Variants in CCDC166 observed in about 807,000 individuals in gnomAD.
CCDC166 encodes the protein coiled-coil domain-containing protein 166.
CCDC166 carries 17 observed loss-of-function variants against 14.4 expected under a neutral mutation model. The observed-to-expected ratio is 1.18, with a 90% CI of 0.81 to 1.77. CCDC166 has a LOEUF of 1.77. Among genes scored for constraint, CCDC166 ranks in the 40% most tolerant of loss-of-function variants. The pLI is 0.00. For missense variants in CCDC166, 738 were observed against 665.8 expected, an observed-to-expected ratio of 1.11 and a Z score of -1.19; for synonymous variants, 336 against 330.1, an observed-to-expected ratio of 1.02 and a Z score of -0.20.
rs1275276960 is a variant in CCDC166 at position 143,707,128 on chromosome 8, AC to A, written c.885del (p.Ser296HisfsTer2). 1 of 1,462,542 alleles carries A rather than the reference AC, an allele frequency of 6.8e-7. No individual in the cohort carries two copies. Among genetic ancestry groups the A allele is most frequent in the Non-Finnish European group, 9.0e-7 (1 of 1,115,720 alleles). 90.6% of individuals were successfully genotyped at this position (1,462,542 alleles called of 1,614,324 possible). ...GACGGGCTTATGGGGGCGGCTAATG[AC>A]CCGGGGCGCGAGGTGGGCTGGGAGA... ...PAFSQPTSRP[G>X]SLAAPISPSR... On this transcript the variant is annotated frameshift_variant, in exon 2 of 2. Transcript: ENST00000542437. LOFTEE classifies it low-confidence loss of function (END_TRUNC). This position sits in a 1 kb window ranked among gnomAD's most constrained non-coding sequence, Gnocchi z 8.0.
Position 143,707,880 on chromosome 8 carries a change from G to A in CCDC166, c.230C>T (p.Ala77Val). ...CTGGGCGCGCGCGCTCACGTAGCTGGCGTAGAGCCGGTTCTCCTCGCGCAG... is the reference window on the plus strand; with the variant it reads ...CTGGGCGCGCGCGCTCACGTAGCTGACGTAGAGCCGGTTCTCCTCGCGCAG... ...LRLREENRLY[A>V]SYVSARAQRC... The change falls in exon 1 of 2, where the codon GCC (alanine) becomes GTC (valine). Residue 77 changes from alanine (A) to valine (V), a missense_variant. Physicochemically the swap from Ala to Val is moderately conservative, Grantham distance 64 (BLOSUM62 0). Coordinates refer to ENST00000542437, the MANE Select transcript of CCDC166 (RefSeq NM_001162914.1). The surrounding 1 kb of genome is among the most constrained non-coding windows in gnomAD (Gnocchi z 8.0). The A allele has an allele frequency of 6.5e-7, 1 of 1,538,030 alleles. No homozygotes were observed.
At position 143,707,606 on chromosome 8, in the gene CCDC166, C is replaced by T; in HGVS notation, c.445-37G>A. The T allele has an allele frequency of 7.4e-7, 1 of 1,347,034 alleles. No individual in the cohort carries two copies. The highest frequency in any genetic ancestry group is 9.5e-7 in the Non-Finnish European group (1 of 1,054,476). The allele number at this position is 1,347,034 out of a possible 1,614,324, so 83.4% of individuals were successfully genotyped here. ...GCGCCGTCAGCTCACCCCCACCCCG[C>T]CCCCGGCCCGGCCACCAGCCCCGCC... is the stretch of plus-strand genomic sequence containing the variant. On this transcript the variant is annotated intron_variant, in intron 1 of 1. Coordinates refer to ENST00000542437, the MANE Select transcript of CCDC166 (RefSeq NM_001162914.1). This position sits in a 1 kb window ranked among gnomAD's most constrained non-coding sequence, Gnocchi z 8.0.
chr8:143,707,496 G>A lies in CCDC166; in HGVS notation c.518C>T (p.Thr173Met), dbSNP rs1554616834. Residue 173 changes from threonine (T) to methionine (M), a missense_variant, in exon 2 of 2, where the codon ACG becomes ATG. By Grantham distance (81) the Thr-to-Met change is moderately conservative. Transcript: ENST00000542437. This position sits in a 1 kb window ranked among gnomAD's most constrained non-coding sequence, Gnocchi z 8.0. ...CCGCTTCACGCGGTGGAGCAGCTGC[G>A]TGTGCTCCACGCGCATATGCAGCAG... Reference protein sequence around the residue: ...RELLHMRVEHTQLLHRVKRRF... With the variant: ...RELLHMRVEHMQLLHRVKRRF... 1.4e-6 allele frequency: 2 copies of A among 1,454,314 alleles called. No homozygotes were observed. Among genetic ancestry groups the A allele is most frequent in the Non-Finnish European group, 1.8e-6 (2 of 1,112,620 alleles). 90.1% of individuals were successfully genotyped at this position (1,454,314 alleles called of 1,614,324 possible).
rs1554616999 is a variant in CCDC166 at position 143,707,962 on chromosome 8, C to T, written c.148G>A (p.Glu50Lys). 1.3e-6 allele frequency: 2 copies of T among 1,536,828 alleles called. No individual in the cohort carries two copies. The highest frequency in any genetic ancestry group is 2.0e-5 in the Admixed American group (1 of 50,984). The change falls in exon 1 of 2, where the codon GAG becomes AAG. Residue 50 changes from glutamate (E) to lysine (K), a missense_variant. Physicochemically the swap from Glu to Lys is moderately conservative, Grantham distance 56. Coordinates refer to ENST00000542437, the MANE Select transcript of CCDC166 (RefSeq NM_001162914.1). This position sits in a 1 kb window ranked among gnomAD's most constrained non-coding sequence, Gnocchi z 8.0. Reference protein sequence around the residue: ...LLSEQLDTCEESVDQVLRENA... With the variant: ...LLSEQLDTCEKSVDQVLRENA... ...TCTCGCAGCACCTGGTCAACGCTCTCCTCGCAGGTGTCCAGCTGCTCCGAG... is the reference window on the plus strand; with the variant it reads ...TCTCGCAGCACCTGGTCAACGCTCTTCTCGCAGGTGTCCAGCTGCTCCGAG...
chr8:143,707,107 G>A lies in CCDC166; in HGVS notation c.907C>T (p.Pro303Ser), dbSNP rs1587420673. 1 of 1,500,200 alleles carries A rather than the reference G, an allele frequency of 6.7e-7. No individual in the cohort carries two copies. The highest frequency in any genetic ancestry group is 1.3e-5 in the South Asian group (1 of 79,828). The allele number at this position is 1,500,200 out of a possible 1,614,324, so 92.9% of individuals were successfully genotyped here. A position where few individuals can be genotyped will look rare whatever the true frequency, so the allele number is the denominator to read the frequency against. Residue 303 changes from proline to serine, a missense_variant, in exon 2 of 2, where the codon CCG (proline) becomes TCG (serine). Pro to Ser is a moderately conservative substitution (Grantham distance 74). Transcript: ENST00000542437. The surrounding 1 kb of genome is among the most constrained non-coding windows in gnomAD (Gnocchi z 8.0). ...GGGGTCTGGGAGGCCGCGCGCGACG[G>A]GCTTATGGGGGCGGCTAATGACCCG... The part of the protein sequence containing the change: ...RPGSLAAPIS[P>S]SRAASQTPSV...
Position 143,707,718 on chromosome 8 carries a change from T to A in CCDC166, c.392A>T (p.Glu131Val). 3 of 1,522,464 alleles carry A rather than the reference T, an allele frequency of 2.0e-6. No individual in the cohort carries two copies. The highest frequency in any genetic ancestry group is 2.6e-6 in the Non-Finnish European group (3 of 1,137,318). 94.3% of individuals were successfully genotyped at this position (1,522,464 alleles called of 1,614,324 possible). Residue 131 changes from glutamate (E) to valine (V), a missense_variant, in exon 1 of 2, where the codon GAG (glutamate) becomes GTG (valine). Glu to Val is a moderately radical substitution (Grantham distance 121). Transcript: ENST00000542437. The surrounding 1 kb of genome is among the most constrained non-coding windows in gnomAD (Gnocchi z 8.0). ...CTGTGCCATCTGTGCCGCGCGCGCCTCCATCTCCAACAGCTGCGCGCGCAC... is the reference window on the plus strand; with the variant it reads ...CTGTGCCATCTGTGCCGCGCGCGCCACCATCTCCAACAGCTGCGCGCGCAC... ...DGVRAQLLEM[E>V]ARAAQMAQQV...
Position 143,707,201 on chromosome 8 carries a change from C to T in CCDC166, c.813G>A (p.Trp271Ter). The T allele has an allele frequency of 2.2e-6, 3 of 1,384,098 alleles. No individual in the cohort carries two copies. The highest frequency in any genetic ancestry group is 2.8e-6 in the Non-Finnish European group (3 of 1,078,012). 85.7% of individuals were successfully genotyped at this position (1,384,098 alleles called of 1,614,324 possible). A position where few individuals can be genotyped will look rare whatever the true frequency, so the allele number is the denominator to read the frequency against. ...GCGGGCCTCCGGGGCCCCTGCGCAG[C>T]CAGCCGTGCACACGCGCCAGGTCCC... ...DTRDLARVHGWLRRGPGGPPL... is the reference protein window; with the variant it reads ...DTRDLARVHG The change falls in exon 2 of 2, where the codon TGG (tryptophan) becomes TGA (stop). Residue 271 changes from tryptophan (W) to a stop codon, truncating the protein, a stop_gained. Coordinates refer to ENST00000542437, the MANE Select transcript of CCDC166 (RefSeq NM_001162914.1). LOFTEE classifies it low-confidence loss of function (END_TRUNC). This position sits in a 1 kb window ranked among gnomAD's most constrained non-coding sequence, Gnocchi z 8.0.
chr8:143,706,824 C>A lies in CCDC166; in HGVS notation c.1190G>T (p.Arg397Leu). ...SPRVSSQDTL[R>L]STKSGPKLLS... ...AAGCTTGGGGCCAGACTTCGTGGAG[C>A]GGAGAGTGTCCTGTGAGGACACCCT... The change falls in exon 2 of 2, where the codon CGC (arginine) becomes CTC (leucine). Residue 397 changes from arginine to leucine, a missense_variant. By Grantham distance (102) the Arg-to-Leu change is moderately radical. Transcript: ENST00000542437. 6.4e-7 allele frequency: 1 copy of A among 1,551,094 alleles called. No individual in the cohort carries two copies. The highest frequency in any genetic ancestry group is 8.7e-7 in the Non-Finnish European group (1 of 1,146,962).
rs1817570204 is a variant in CCDC166, at chr8:143,707,877, C to T, written c.233G>A (p.Ser78Asn). Residue 78 changes from serine to asparagine, a missense_variant, in exon 1 of 2, where the codon AGC becomes AAC. Physicochemically the swap from Ser to Asn is conservative, Grantham distance 46. Transcript: ENST00000542437. This position sits in a 1 kb window ranked among gnomAD's most constrained non-coding sequence, Gnocchi z 8.0. ...GCGCTGGGCGCGCGCGCTCACGTAG[C>T]TGGCGTAGAGCCGGTTCTCCTCGCG... ...RLREENRLYA[S>N]YVSARAQRCA... The T allele has an allele frequency of 2.0e-6, 3 of 1,538,080 alleles. No individual in the cohort carries two copies. Among genetic ancestry groups the T allele is most frequent in the South Asian group, 1.2e-5 (1 of 84,036 alleles).
Position 143,707,025 on chromosome 8 carries a change from T to G in CCDC166, c.989A>C (p.Glu330Ala), listed in dbSNP as rs1563740893. 4 of 1,535,648 alleles carry G rather than the reference T, an allele frequency of 2.6e-6. No homozygotes were observed. The East Asian group carries it at 9.8e-5, about 38-fold the overall frequency. ...PRASSVVPSR[E>A]ASRVPSLVLS... ...CACCAACGAGGGGACCCGGGAAGCC[T>G]CGCGCGACGGGACCACGGACGAGGC... Residue 330 changes from glutamate (E) to alanine (A), a missense_variant, in exon 2 of 2, where the codon GAG (glutamate) becomes GCG (alanine). By Grantham distance (107) the Glu-to-Ala change is moderately radical. Transcript: ENST00000542437. The surrounding 1 kb of genome is among the most constrained non-coding windows in gnomAD (Gnocchi z 8.0).
At position 143,708,001 on chromosome 8, in the gene CCDC166, C is replaced by T. The variant is rs1396135839; in HGVS notation, c.109G>A (p.Glu37Lys). Residue 37 changes from glutamate (E) to lysine (K), a missense_variant, in exon 1 of 2, where the codon GAA (glutamate) becomes AAA (lysine). By Grantham distance (56) the Glu-to-Lys change is moderately conservative (BLOSUM62 1). Coordinates refer to ENST00000542437, the MANE Select transcript of CCDC166 (RefSeq NM_001162914.1). ...LSERAQYLQR[E>K]HALLSEQLDT... Reference sequence around the variant, plus strand: ...AGCTGCTCCGAGAGCAGCGCGTGTTCGCGTTGCAGGTACTGCGCGCGCTCC... The same window carrying T: ...AGCTGCTCCGAGAGCAGCGCGTGTTTGCGTTGCAGGTACTGCGCGCGCTCC... The T allele has an allele frequency of 3.9e-6, 6 of 1,527,580 alleles. No individual in the cohort carries two copies. In the Admixed American group the frequency reaches 9.8e-5, roughly 25 times the overall value. The allele number at this position is 1,527,580 out of a possible 1,614,324, so 94.6% of individuals were successfully genotyped here.
In CCDC166 at chr8:143,707,821, G is replaced by C. The variant is rs1322634770; in HGVS notation, c.289C>G (p.Gln97Glu). The change falls in exon 1 of 2, where the codon CAG (glutamine) becomes GAG (glutamate). Residue 97 changes from glutamine (Q) to glutamate (E), a missense_variant. Transcript: ENST00000542437. This position sits in a 1 kb window ranked among gnomAD's most constrained non-coding sequence, Gnocchi z 8.0. The part of the protein sequence containing the change: ...CAKAIVRLDE[Q>E]NRVDLAQIHW... ...ATCTGCGCTAGGTCCACGCGGTTCT[G>C]CTCGTCCAGCCGGACGATGGCTTTG... 4 of 1,539,684 alleles carry C rather than the reference G, an allele frequency of 2.6e-6. No homozygotes were observed. Among genetic ancestry groups the C allele is most frequent in the Non-Finnish European group, 3.5e-6 (4 of 1,146,042 alleles).
rs1554616615 is a variant in CCDC166 at position 143,706,847 on chromosome 8, C to T, written c.1167G>A (p.Arg389=). 6.4e-7 allele frequency: 1 copy of T among 1,550,960 alleles called. No individual in the cohort carries two copies. Among genetic ancestry groups the T allele is most frequent in the East Asian group, 2.4e-5 (1 of 40,882 alleles). The part of the protein sequence containing the change: ...GSGISSGSSP[R]VSSQDTLRST... ...AGCGGAGAGTGTCCTGTGAGGACAC[C>T]CTCGGTGAGGACCCCGAAGAGATCC... The change falls in exon 2 of 2, where the codon AGG becomes AGA. Residue 389 remains arginine (R), a synonymous_variant. Coordinates refer to ENST00000542437, the MANE Select transcript of CCDC166 (RefSeq NM_001162914.1).
rs1554616982 is a variant in CCDC166, at chr8:143,707,919, C to T, written c.191G>A (p.Arg64His). ...QVLRENAFLDREALRLREENR... is the reference protein window; with the variant it reads ...QVLRENAFLDHEALRLREENR... Reference sequence around the variant, plus strand: ...CTCCTCGCGCAGGCGCAGCGCCTCGCGGTCCAGGAAGGCGTTCTCTCGCAG... The same window carrying T: ...CTCCTCGCGCAGGCGCAGCGCCTCGTGGTCCAGGAAGGCGTTCTCTCGCAG... Residue 64 changes from arginine (R) to histidine (H), a missense_variant, in exon 1 of 2, where the codon CGC becomes CAC. Coordinates refer to ENST00000542437, the MANE Select transcript of CCDC166 (RefSeq NM_001162914.1). The surrounding 1 kb of genome is among the most constrained non-coding windows in gnomAD (Gnocchi z 8.0). The T allele has an allele frequency of 6.5e-7, 1 of 1,537,602 alleles. No homozygotes were observed. The highest frequency in any genetic ancestry group is 2.0e-5 in the Admixed American group (1 of 50,990).
chr8:143,706,899 G>C lies in CCDC166; in HGVS notation c.1115C>G (p.Ser372Trp), dbSNP rs1349556070. 2 of 1,550,290 alleles carry C rather than the reference G, an allele frequency of 1.3e-6. No individual in the cohort carries two copies. The highest frequency in any genetic ancestry group is 1.7e-6 in the Non-Finnish European group (2 of 1,146,818). The change falls in exon 2 of 2, where the codon TCG becomes TGG. Residue 372 changes from serine to tryptophan, a missense_variant. Transcript: ENST00000542437. ...AGAGCCCTCGAGTGACTGCACCAGC[G>C]ACAGGGCCCGGGAGCCTGCGCGCGA... ...TASRAGSRAL[S>W]LVQSLEGSGI...
chr8:143,706,762 G>A lies in CCDC166; in HGVS notation c.1252C>T (p.Leu418Phe). The A allele has an allele frequency of 1.3e-6, 2 of 1,550,910 alleles. No individual in the cohort carries two copies. Among genetic ancestry groups the A allele is most frequent in the Non-Finnish European group, 1.7e-6 (2 of 1,146,932 alleles). ...ACGCTGTCCTCCGACTGTGGGGGGAGAAGAGCCGGATCCCGATCCCGGGAC... is the reference window on the plus strand; with the variant it reads ...ACGCTGTCCTCCGACTGTGGGGGGAAAAGAGCCGGATCCCGATCCCGGGAC... Reference protein sequence around the residue: ...GLSRDRDPALLPPQSEDSVNA... With the variant: ...GLSRDRDPALFPPQSEDSVNA... The change falls in exon 2 of 2, where the codon CTC becomes TTC. Residue 418 changes from leucine (L) to phenylalanine (F), a missense_variant. By Grantham distance (22) the Leu-to-Phe change is conservative. Coordinates refer to ENST00000542437, the MANE Select transcript of CCDC166 (RefSeq NM_001162914.1).
rs889985779 is a variant in CCDC166, at chr8:143,707,829, A to G, written c.281T>C (p.Leu94Pro). The change falls in exon 1 of 2, where the codon CTG (leucine) becomes CCG (proline). Residue 94 changes from leucine (L) to proline (P), a missense_variant. Transcript: ENST00000542437. This position sits in a 1 kb window ranked among gnomAD's most constrained non-coding sequence, Gnocchi z 8.0. ...TAGGTCCACGCGGTTCTGCTCGTCCAGCCGGACGATGGCTTTGGCGCAGCG... is the reference window on the plus strand; with the variant it reads ...TAGGTCCACGCGGTTCTGCTCGTCCGGCCGGACGATGGCTTTGGCGCAGCG... ...AQRCAKAIVR[L>P]DEQNRVDLAQ... 3.2e-6 allele frequency: 5 copies of G among 1,539,314 alleles called. No homozygotes were observed. The highest frequency in any genetic ancestry group is 4.4e-6 in the Non-Finnish European group (5 of 1,145,968).
In CCDC166 at chr8:143,707,415, G is replaced by A; in HGVS notation, c.599C>T (p.Ser200Leu). The A allele has an allele frequency of 6.9e-7, 1 of 1,455,986 alleles. No homozygotes were observed. Among genetic ancestry groups the A allele is most frequent in the Non-Finnish European group, 9.0e-7 (1 of 1,112,620 alleles). 90.2% of individuals were successfully genotyped at this position (1,455,986 alleles called of 1,614,324 possible). A position where few individuals can be genotyped will look rare whatever the true frequency, so the allele number is the denominator to read the frequency against. Residue 200 changes from serine (S) to leucine (L), a missense_variant, in exon 2 of 2, where the codon TCA becomes TTA. Ser to Leu is a moderately radical substitution (Grantham distance 145). Transcript: ENST00000542437. This position sits in a 1 kb window ranked among gnomAD's most constrained non-coding sequence, Gnocchi z 8.0. ...CTCCCGCTCCGCGCGCCGCGCCAGT[G>A]ACTGCACGCGCTGACGCGCCTCGCG... ...FEREARQRVQ[S>L]LARRAEREAV...
rs1817575378 is a variant in CCDC166, at chr8:143,708,017, C to T, written c.93G>A (p.Ala31=). ...AGAEQPLSER[A]QYLQREHALL... ...GCGCGTGTTCGCGTTGCAGGTACTG[C>T]GCGCGCTCCGATAGCGGCTGCTCGG... Residue 31 remains alanine, a synonymous_variant, in exon 1 of 2, where the codon GCG becomes GCA. Transcript: ENST00000542437. The T allele has an allele frequency of 1.3e-6, 2 of 1,515,156 alleles. No individual in the cohort carries two copies. Among genetic ancestry groups the T allele is most frequent in the Non-Finnish European group, 1.8e-6 (2 of 1,131,008 alleles). The allele number at this position is 1,515,156 out of a possible 1,614,324, so 93.9% of individuals were successfully genotyped here.
Sources: gnomAD v4.1 joint callset for allele counts on GRCh38, gnomAD v4.1.1 for gene constraint, Gnocchi (gnomAD v3.1) non-coding constraint, MANE v1.5 for transcripts, NCBI Gene and HGNC (gene_info 2026-07-23, HGNC 2026-07-21) for gene names.